The following HCCS variants were observed in gnomAD, a reference collection of about 807,000 sequenced individuals.
HCCS encodes the protein holocytochrome c synthase, also known as holocytochrome c-type synthase.
HCCS carries 2 observed loss-of-function variants against 24.2 expected under a neutral mutation model. The observed-to-expected ratio is 0.08, with a 90% confidence interval of 0.03 to 0.26. HCCS has a LOEUF of 0.26. HCCS is among the 10% of genes least tolerant of loss of function. The pLI, the probability that HCCS is intolerant of heterozygous loss-of-function variation, is 1.00. For missense variants in HCCS, 150 were observed against 213.3 expected, an observed-to-expected ratio of 0.70 and a Z score of 1.85; for synonymous variants, 73 against 76.2, an observed-to-expected ratio of 0.96 and a Z score of 0.22.
chrX:11,121,675 T>C lies in HCCS; in HGVS notation c.672T>C (p.Tyr224=). 2 of 1,209,381 alleles carry C rather than the reference T, an allele frequency of 1.7e-6. No individual in the cohort carries two copies. Among genetic ancestry groups the C allele is most frequent in the Non-Finnish European group, 2.2e-6 (2 of 893,302 alleles). ...ACCGTTGCGGGACAGAAGTTAGATA[T>C]GTGATTGATTATTATGATGGTGGTG... ...IINRCGTEVR[Y]VIDYYDGGEV... Residue 224 remains tyrosine, a synonymous_variant, in exon 7 of 7, where the codon TAT becomes TAC. Transcript: ENST00000380762.
chrX:11,120,231 T>C (rs1337315120), intron 5 of HCCS, among the ~76,000 whole-genome samples: 2 of 111,555 alleles, frequency 1.8e-5, no homozygotes, highest in African/African-American at 6.5e-5. Context: ...GTCTAGCCTG[T>C]AGGTGGGCTG....
chrX:11,122,570 A>G lies in HCCS; in HGVS notation c.*760A>G, dbSNP rs1029586730. On this transcript the variant is annotated 3_prime_UTR_variant, in exon 7 of 7. Coordinates refer to ENST00000380762, the MANE Select transcript of HCCS (RefSeq NM_005333.5). ...ACAAGTTATCCCAACTTCGAATCTC[A>G]TTTCTTCCTTTGCTGGCAGCCTCCA... 6 of 111,895 alleles carry G rather than the reference A, an allele frequency of 5.4e-5. No homozygotes were observed. The highest frequency in any genetic ancestry group is 2.0e-4 in the African/African-American group (6 of 30,690). The allele number at this position is 111,895 out of a possible 1,213,427, so 9.2% of individuals were successfully genotyped here. A position where few individuals can be genotyped will look rare whatever the true frequency, so the allele number is the denominator to read the frequency against.
At position 11,118,919 on chromosome X, in the gene HCCS, C is replaced by T. The variant is rs188321465; in HGVS notation, c.521+299C>T. Among the ~76,000 whole-genome samples, 723 of 111,763 alleles carry T rather than the reference C, an allele frequency of 6.5e-3. 2 individuals are homozygous for T. The highest frequency in any genetic ancestry group is 9.1e-3 in the Non-Finnish European group (481 of 53,134). On this transcript the variant is annotated intron_variant, in intron 5 of 6. Transcript: ENST00000380762. ...TTAGTGGTCAGGATGGCTTCCGAGC[C>T]GTGGGCTAGAGTCTTCTGACGGCCT...
chrX:11,112,247 G>A, intron 2 of HCCS, 87 bp downstream of exon 2: 2 of 690,117 alleles, frequency 2.9e-6, no homozygotes, highest in Non-Finnish European at 4.6e-6. Flanking sequence ...CACTTTGGGA[G>A]GCCGAGGTGG....
At chrX:11,114,107 C>T (rs2045431600) in intron 2 of HCCS, among the ~76,000 whole-genome samples, 1 of 112,708 alleles carries the variant, frequency 8.9e-6, no homozygotes. Flanking sequence ...TGCTATTGCT[C>T]ATCTCATTAG....
rs1031056915 is a variant in HCCS, at chrX:11,122,633, A to G, written c.*823A>G. 1.8e-5 allele frequency: 2 copies of G among 112,218 alleles called. No individual in the cohort carries two copies. Among genetic ancestry groups the G allele is most frequent in the Non-Finnish European group, 3.8e-5 (2 of 53,230 alleles). 9.2% of individuals were successfully genotyped at this position (112,218 alleles called of 1,213,427 possible). On this transcript the variant is annotated 3_prime_UTR_variant, in exon 7 of 7. Transcript: ENST00000380762. Reference sequence around the variant, plus strand: ...TCAGTCGGCCTAATCCAAACCTTGAAAGCCTGGCTTAAGTCCCAGTATCAG... The same window carrying G: ...TCAGTCGGCCTAATCCAAACCTTGAGAGCCTGGCTTAAGTCCCAGTATCAG...
chrX:11,117,988 A>G (rs2045461607), intron 4 of HCCS, among the ~76,000 whole-genome samples: 1 of 111,711 alleles, frequency 9.0e-6, no homozygotes, highest in South Asian at 3.8e-4. Flanking sequence ...TACTGATTAG[A>G]ATGTTACTCA....
Position 11,121,978 on chromosome X carries a change from T to C in HCCS, c.*168T>C. 4.3e-6 allele frequency: 2 copies of C among 464,936 alleles called. No individual in the cohort carries two copies. The highest frequency in any genetic ancestry group is 6.4e-5 in the South Asian group (2 of 31,311). The allele number at this position is 464,936 out of a possible 1,213,427, so 38.3% of individuals were successfully genotyped here. On this transcript the variant is annotated 3_prime_UTR_variant, in exon 7 of 7. Coordinates refer to ENST00000380762, the MANE Select transcript of HCCS (RefSeq NM_005333.5). Reference sequence around the variant, plus strand: ...CTATGCACTGTTCACTTTTGACTTGTGTTGTACCTTGCAGTTTATAGCAGA... The same window carrying C: ...CTATGCACTGTTCACTTTTGACTTGCGTTGTACCTTGCAGTTTATAGCAGA...
At chrX:11,118,212 A>G (rs2045463779) in intron 4 of HCCS, 1 of 341,489 alleles carries the variant, frequency 2.9e-6, no homozygotes, top group East Asian at 7.2e-5. Flanking sequence ...CCTTAAAAAT[A>G]GATGATTCTG....
intron 4 of HCCS, among the ~76,000 whole-genome samples, chrX:11,118,115 T>C (rs1446413373): frequency 8.9e-6 from 1 of 112,472 alleles, no homozygotes; most frequent in Non-Finnish European, 1.9e-5. Context: ...GTAATAGGTT[T>C]TTTAAAAAAC....
intron 1 of HCCS, 26 bp from the exon 2 acceptor site, chrX:11,111,993 A>G: frequency 1.2e-6 from 1 of 800,841 alleles, no homozygotes; most frequent in Non-Finnish European, 1.9e-6. Flanking sequence ...GTCCAGAGAC[A>G]TTAATCTGTC....
At chrX:11,115,586 A>G (rs758497310) in intron 3 of HCCS, among the ~76,000 whole-genome samples, 1 of 112,003 alleles carries the variant, frequency 8.9e-6, no homozygotes, top group South Asian at 3.7e-4. Flanking sequence ...AAGAATAGAA[A>G]TTTTAGTGAA....
At chrX:11,119,571 A>G (rs988665025) in intron 5 of HCCS, among the ~76,000 whole-genome samples, 16 of 112,679 alleles carry the variant, frequency 1.4e-4, no homozygotes, top group Admixed American at 2.8e-4. Flanking sequence ...TTCATTGCAC[A>G]ATGCGATTAA....
chrX:11,118,008 A>C (rs1159836620), intron 4 of HCCS, among the ~76,000 whole-genome samples: 1 of 112,045 alleles, frequency 8.9e-6, no homozygotes, highest in African/African-American at 3.3e-5. Context: ...ACATTCAAAA[A>C]ACACCCTCAC....
chrX:11,115,064 T>G, intron 3 of HCCS, 78 bp downstream of exon 3: 2 of 813,863 alleles, frequency 2.5e-6, no homozygotes, highest in Non-Finnish European at 3.7e-6. Flanking sequence ...AAGTTGCAAA[T>G]GGCTAGGATG....
chrX:11,115,233 G>T (rs774121475), intron 3 of HCCS, among the ~76,000 whole-genome samples: 1 of 112,360 alleles, frequency 8.9e-6, no homozygotes, highest in African/African-American at 3.2e-5. Flanking sequence ...CATACCAAAT[G>T]AATATTTTCT....
intron 5 of HCCS, 50 bp from the exon 6 acceptor site, chrX:11,120,857 C>T (rs1024730802): frequency 9.5e-7 from 1 of 1,052,233 alleles, no homozygotes; most frequent in Non-Finnish European, 1.3e-6. Context: ...TCATCTTTGT[C>T]AAAGAAAAGA....
At chrX:11,118,322 C>G (rs1332982037) in intron 4 of HCCS, 179 bp from the exon 5 acceptor site, 1 of 498,717 alleles carries the variant, frequency 2.0e-6, no homozygotes, top group African/African-American at 2.3e-5. Flanking sequence ...TAGTGCTGCT[C>G]CATGATCATG....
At chrX:11,120,762 T>C in intron 5 of HCCS, 145 bp from the exon 6 acceptor site, 1 of 542,039 alleles carries the variant, frequency 1.8e-6, no homozygotes, top group South Asian at 2.6e-5. Context: ...GTTTGAATTA[T>C]TTTAGAACTT....
Sources: gnomAD v4.1 joint callset for allele counts (sites outside exome capture counted in the v4.1 genomes callset) on GRCh38, gnomAD v4.1.1 for gene constraint, MANE v1.5 for transcripts, NCBI Gene and HGNC (gene_info 2026-07-23, HGNC 2026-07-21) for gene names.